Variants in CPA3 observed in about 807,000 individuals in gnomAD.
CPA3 encodes the protein carboxypeptidase A3, also known as mast cell carboxypeptidase A.
In CPA3, 52 loss-of-function variants were observed where a neutral mutation model predicts 55.8. The observed-to-expected ratio is 0.93, with a 90% CI of 0.75 to 1.17. The LOEUF is 1.17. Ranked by LOEUF, CPA3 falls within the 50% of genes most tolerant of loss-of-function variation. The probability of loss-of-function intolerance (pLI) is 0.00; values close to 1 mark genes in which losing one functional copy is unlikely to be tolerated. For synonymous variants in CPA3, 179 were observed against 171.2 expected, an observed-to-expected ratio of 1.05 and a Z score of -0.36; for missense variants, 547 against 509.1, an observed-to-expected ratio of 1.07 and a Z score of -0.72.
intron 3 of CPA3, among the ~76,000 whole-genome samples, chr3:148,870,322 TCTG>T (rs557642157): frequency 1.2e-3 from 179 of 152,042 alleles, no homozygotes; most frequent in African/African-American, 3.9e-3. Flanking sequence ...ACTCAAAAGG[TCTG>T]CTTCTGGCTG....
rs1052857510 is a variant in CPA3 at position 148,865,617 on chromosome 3, G to C, written c.144+69G>C. 15 of 1,356,858 alleles carry C rather than the reference G, an allele frequency of 1.1e-5. No homozygotes were observed. The South Asian group carries it at 1.4e-4, about 12-fold the overall frequency. 84.1% of individuals were successfully genotyped at this position (1,356,858 alleles called of 1,614,324 possible). A position where few individuals can be genotyped will look rare whatever the true frequency, so the allele number is the denominator to read the frequency against. ...AAAAGATGCTTCTTCTTATTTTACT[G>C]TCAATGCCCATGGGACTACAAAAGA... On this transcript the variant is annotated intron_variant, in intron 2 of 10. Coordinates refer to ENST00000296046, the MANE Select transcript of CPA3 (RefSeq NM_001870.4).
intron 3 of CPA3, among the ~76,000 whole-genome samples, chr3:148,875,732 T>C (rs928617059): frequency 6.6e-5 from 10 of 152,144 alleles, no homozygotes; most frequent in African/African-American, 2.4e-4. Context: ...TATTTGTAAA[T>C]CTCCTACAGC....
intron 3 of CPA3, among the ~76,000 whole-genome samples, chr3:148,877,418 C>T (rs537895705): frequency 3.1e-4 from 47 of 151,448 alleles, no homozygotes; most frequent in Middle Eastern, 3.4e-3. Flanking sequence ...CACTTGAACC[C>T]GGGAGGTGGA....
chr3:148,878,010 A>G (rs1365540671), intron 3 of CPA3, among the ~76,000 whole-genome samples: 1 of 152,252 alleles, frequency 6.6e-6, no homozygotes, highest in Non-Finnish European at 1.5e-5. Flanking sequence ...ACATTAAAAA[A>G]GTAAAAAGCA....
chr3:148,868,682 TAA>T (rs375251241), intron 2 of CPA3, among the ~76,000 whole-genome samples: 1 of 143,762 alleles, frequency 7.0e-6, no homozygotes, highest in East Asian at 2.0e-4. Flanking sequence ...CTGAAGTCCT[TAA>T]AAAAAAAAAA....
chr3:148,869,298 T>C (rs900899026), intron 3 of CPA3, among the ~76,000 whole-genome samples: 2 of 152,058 alleles, frequency 1.3e-5, no homozygotes, highest in Non-Finnish European at 2.9e-5. Flanking sequence ...ATATCTACCA[T>C]CTCCAAAACC....
intron 2 of CPA3, 133 bp from the exon 3 acceptor site, chr3:148,868,782 A>T: frequency 1.1e-6 from 1 of 927,408 alleles, no homozygotes; most frequent in Non-Finnish European, 1.5e-6. Context: ...TAAACTTATT[A>T]AAAGAAGGGT....
intron 2 of CPA3, among the ~76,000 whole-genome samples, chr3:148,867,138 C>T (rs1010944189): frequency 5.9e-5 from 9 of 152,168 alleles, no homozygotes; most frequent in African/African-American, 2.2e-4. Context: ...ATATCCTGCT[C>T]CTCCACCTTC....
intron 2 of CPA3, 126 bp from the exon 3 acceptor site, chr3:148,868,789 G>A (rs1325641707): frequency 5.3e-6 from 5 of 951,306 alleles, no homozygotes; most frequent in South Asian, 2.3e-5. Context: ...ATTAAAAGAA[G>A]GGTCTGTATC....
chr3:148,895,855 C>T (rs1714812593), intron 10 of CPA3, among the ~76,000 whole-genome samples: 1 of 116,944 alleles, frequency 8.6e-6, no homozygotes, highest in Non-Finnish European at 2.2e-5. Context: ...CACATAAATG[C>T]AATTATGATA....
At chr3:148,894,184 A>G (rs1714758498) in intron 10 of CPA3, among the ~76,000 whole-genome samples, 1 of 152,206 alleles carries the variant, frequency 6.6e-6, no homozygotes, top group African/African-American at 2.4e-5. Context: ...TGTGATGTTC[A>G]ATGTATGTAG....
intron 2 of CPA3, 40 bp downstream of exon 2, chr3:148,865,588 C>A: frequency 1.3e-6 from 2 of 1,535,288 alleles, no homozygotes; most frequent in Non-Finnish European, 9.0e-7. Context: ...TCTTACTGTT[C>A]TCTAAAAGAT....
intron 3 of CPA3, among the ~76,000 whole-genome samples, chr3:148,869,373 C>G (rs1001519547): frequency 6.6e-6 from 1 of 152,104 alleles, no homozygotes; most frequent in African/African-American, 2.4e-5. Flanking sequence ...GTCATCACTA[C>G]TGACAGGTAA....
intron 3 of CPA3, among the ~76,000 whole-genome samples, chr3:148,875,562 T>C (rs978793573): frequency 6.6e-6 from 1 of 151,958 alleles, no homozygotes; most frequent in African/African-American, 2.4e-5. Context: ...ACTTTTCTCT[T>C]TTTTTTTCTT....
At chr3:148,884,982 T>C (rs1481748248) in intron 9 of CPA3, among the ~76,000 whole-genome samples, 2 of 152,236 alleles carry the variant, frequency 1.3e-5, no homozygotes, top group Non-Finnish European at 2.9e-5. Context: ...TTAAAAATCT[T>C]TGTGAGTGCA....
intron 2 of CPA3, among the ~76,000 whole-genome samples, chr3:148,867,476 C>T (rs921218159): frequency 6.6e-6 from 1 of 152,236 alleles, no homozygotes; most frequent in African/African-American, 2.4e-5. Flanking sequence ...ACAACTGTGG[C>T]ACCCAGCTCT....
At position 148,886,182 on chromosome 3, in the gene CPA3, G is replaced by A. The variant is rs1319972373; in HGVS notation, c.1066+5G>A. 1 of 1,590,804 alleles carries A rather than the reference G, an allele frequency of 6.3e-7. No individual in the cohort carries two copies. Among genetic ancestry groups the A allele is most frequent in the South Asian group, 1.1e-5 (1 of 89,200 alleles). On this transcript the variant is annotated splice_donor_5th_base_variant and intron_variant, in intron 10 of 10. Transcript: ENST00000296046. ...GCCCAATAGAATCAACAATTTGTAAGTCATTCCTCTTATTTACTGAGCCCT... is the reference window on the plus strand; with the variant it reads ...GCCCAATAGAATCAACAATTTGTAAATCATTCCTCTTATTTACTGAGCCCT...
intron 10 of CPA3, among the ~76,000 whole-genome samples, chr3:148,888,470 A>G (rs752443499): frequency 3.3e-5 from 5 of 152,270 alleles, no homozygotes; most frequent in African/African-American, 4.8e-5. Flanking sequence ...TTACACATAC[A>G]GGTGGATGAC....
chr3:148,877,559 G>T (rs1277354787), intron 3 of CPA3, among the ~76,000 whole-genome samples: 1 of 151,940 alleles, frequency 6.6e-6, no homozygotes, highest in Non-Finnish European at 1.5e-5. Context: ...TAAGCCTCTT[G>T]ACCCTCAACA....
Sources: gnomAD v4.1 joint callset for allele counts (sites outside exome capture counted in the v4.1 genomes callset) on GRCh38, gnomAD v4.1.1 for gene constraint, MANE v1.5 for transcripts, NCBI Gene and HGNC (gene_info 2026-07-23, HGNC 2026-07-21) for gene names.